Variants in ZNF518B observed in about 807,000 individuals in gnomAD.
ZNF518B encodes the protein zinc finger protein 518B.
ZNF518B carries 23 observed loss-of-function variants against 56.3 expected under a neutral mutation model. The ratio of observed to expected loss-of-function variants is 0.41; its 90% CI spans 0.29 to 0.58. The LOEUF (loss-of-function observed/expected upper bound fraction) is 0.58, where lower values mean the gene tolerates loss of function less well. Among genes scored for constraint, ZNF518B ranks in the 20% least tolerant of loss-of-function variants. The pLI is 0.32. For synonymous variants in ZNF518B, 529 were observed against 465.9 expected (o/e 1.14, Z -1.74); for missense variants, 1,460 against 1,272.1 (o/e 1.15, Z -2.25).
rs1464838167 is a variant in ZNF518B, at chr4:10,446,126, T to C, written c.203A>G (p.Lys68Arg). 1.9e-6 allele frequency: 3 copies of C among 1,614,098 alleles called. No individual in the cohort carries two copies. The highest frequency in any genetic ancestry group is 1.7e-5 in the Admixed American group (1 of 60,014). The change falls in exon 3 of 3, where the codon AAG (lysine) becomes AGG (arginine). Residue 68 changes from lysine to arginine, a missense_variant. Physicochemically the swap from Lys to Arg is conservative, Grantham distance 26 (BLOSUM62 2). Coordinates refer to ENST00000326756, the MANE Select transcript of ZNF518B (RefSeq NM_053042.3). ...CTTCTGCAAATCTTGAAGAGAGATC[T>C]TGTGAACACTTTTGCACTTTGCACA... ...ATCAKCKSVH[K>R]ISLQDLQKGT...
rs1669743801 is a variant in ZNF518B at position 10,443,960 on chromosome 4, A to T, written c.2369T>A (p.Ile790Lys). 6.2e-7 allele frequency: 1 copy of T among 1,613,504 alleles called. No homozygotes were observed. Among genetic ancestry groups the T allele is most frequent in the Non-Finnish European group, 8.5e-7 (1 of 1,179,404 alleles). ...GACAGGTGCTTCACATGTAGCCTCT[A>T]TGATGTGGGCATTCTCAGAGGAATT... ...VLNSSENAHI[I>K]EATCEAPVSI... The change falls in exon 3 of 3, where the codon ATA becomes AAA. Residue 790 changes from isoleucine (I) to lysine (K), a missense_variant. Ile to Lys is a moderately radical substitution (Grantham distance 102, BLOSUM62 -3). Transcript: ENST00000326756.
Position 10,440,830 on chromosome 4 carries a change from G to A in ZNF518B, c.*2274C>T, listed in dbSNP as rs904394229. The A allele has an allele frequency of 2.0e-5, 3 of 152,048 alleles. No individual in the cohort carries two copies. Among genetic ancestry groups the A allele is most frequent in the Admixed American group, 1.3e-4 (2 of 15,260 alleles). The allele number at this position is 152,048 out of a possible 1,614,324, so 9.4% of individuals were successfully genotyped here. ...GCTTTTCAGGAAAAAGCACTATGTG[G>A]TGAGGAATAGGAGATAAAAAAGTGG... On this transcript the variant is annotated 3_prime_UTR_variant, in exon 3 of 3. Transcript: ENST00000326756.
At chr4:10,461,314 C>T (rs1308873902), upstream of ZNF518B, among the ~76,000 whole-genome samples, 1 of 152,236 alleles carries the variant, frequency 6.6e-6, no homozygotes, top group Admixed American at 6.5e-5. Context: ...TCCTGGCCCG[C>T]ACACTCAGCT....
At position 10,444,731 on chromosome 4, in the gene ZNF518B, G is replaced by A. The variant is rs573238069; in HGVS notation, c.1598C>T (p.Ser533Leu). ...TCCAGAGAAGGAACAGGTTGCAGGTGATGCAGCAAATGGGAGTAACTGCTG... is the reference window on the plus strand; with the variant it reads ...TCCAGAGAAGGAACAGGTTGCAGGTAATGCAGCAAATGGGAGTAACTGCTG... ...SSQQLLPFAASPATCSFSGEK... is the reference protein window; with the variant it reads ...SSQQLLPFAALPATCSFSGEK... Residue 533 changes from serine to leucine, a missense_variant, in exon 3 of 3, where the codon TCA (serine) becomes TTA (leucine). By Grantham distance (145) the Ser-to-Leu change is moderately radical (BLOSUM62 -2). Coordinates refer to ENST00000326756, the MANE Select transcript of ZNF518B (RefSeq NM_053042.3). 6.4e-5 allele frequency: 104 copies of A among 1,614,096 alleles called. No individual in the cohort carries two copies. In the South Asian group the frequency reaches 1.1e-3, roughly 17 times the overall value.
chr4:10,450,551 G>A (rs1176606995), intron 2 of ZNF518B, among the ~76,000 whole-genome samples: 1 of 145,210 alleles, frequency 6.9e-6, no homozygotes, highest in Non-Finnish European at 1.5e-5. Context: ...AGGGACAGCA[G>A]GCATATCTGT....
At chr4:10,452,760 A>C (rs1472877794) in intron 2 of ZNF518B, 1 of 152,248 alleles carries the variant, frequency 6.6e-6, no homozygotes, top group Non-Finnish European at 1.5e-5. Context: ...AAGAGGAAAA[A>C]AATCCATTAA....
Position 10,445,763 on chromosome 4 carries a change from G to A in ZNF518B, c.566C>T (p.Pro189Leu). 1 of 1,614,182 alleles carries A rather than the reference G, an allele frequency of 6.2e-7. No individual in the cohort carries two copies. Among genetic ancestry groups the A allele is most frequent in the Non-Finnish European group, 8.5e-7 (1 of 1,180,038 alleles). Residue 189 changes from proline to leucine, a missense_variant, in exon 3 of 3, where the codon CCT becomes CTT. By Grantham distance (98) the Pro-to-Leu change is moderately conservative. Coordinates refer to ENST00000326756, the MANE Select transcript of ZNF518B (RefSeq NM_053042.3). Reference sequence around the variant, plus strand: ...ATAGTCACAATACTCACACTGATAAGGAAATATGCCTGTGTGTTTCACCAA... The same window carrying A: ...ATAGTCACAATACTCACACTGATAAAGAAATATGCCTGTGTGTTTCACCAA... ...RHLVKHTGIF[P>L]YQCEYCDYGA...
At chr4:10,450,324 A>G (rs1316534965) in intron 2 of ZNF518B, among the ~76,000 whole-genome samples, 2 of 152,200 alleles carry the variant, frequency 1.3e-5, no homozygotes, top group Non-Finnish European at 2.9e-5. Context: ...AGATAATGCA[A>G]TGTTACTACA....
chr4:10,442,467 G>GA lies in ZNF518B; in HGVS notation c.*636dup, dbSNP rs1714725009. The GA allele has an allele frequency of 6.6e-6, 1 of 152,204 alleles. No individual in the cohort carries two copies. Among genetic ancestry groups the GA allele is most frequent in the Admixed American group, 6.5e-5 (1 of 15,280 alleles). 9.4% of individuals were successfully genotyped at this position (152,204 alleles called of 1,614,324 possible). A position where few individuals can be genotyped will look rare whatever the true frequency, so the allele number is the denominator to read the frequency against. ...TTATCTTTCTTCTAACACTTGCTGT[G>GA]AAAGGAGTAAATTCAGGCAAGCAGT... On this transcript the variant is annotated 3_prime_UTR_variant, in exon 3 of 3. Transcript: ENST00000326756.
At chr4:10,454,667 C>G (rs1046724346) in intron 2 of ZNF518B, 138 bp downstream of exon 2, 1 of 152,200 alleles carries the variant, frequency 6.6e-6, no homozygotes, top group Non-Finnish European at 1.5e-5. Context: ...AGCTATATGG[C>G]TTTTTGAAGA....
At position 10,444,894 on chromosome 4, in the gene ZNF518B, C is replaced by T. The variant is rs775819635; in HGVS notation, c.1435G>A (p.Val479Ile). Residue 479 changes from valine to isoleucine, a missense_variant, in exon 3 of 3, where the codon GTT becomes ATT. Physicochemically the swap from Val to Ile is conservative, Grantham distance 29. Transcript: ENST00000326756. ...GCTAGAGAATGACCTTTTAAGGCAACGGAAGGAAAAGCAGTTCTATGTGGA... is the reference window on the plus strand; with the variant it reads ...GCTAGAGAATGACCTTTTAAGGCAATGGAAGGAAAAGCAGTTCTATGTGGA... The part of the protein sequence containing the change: ...LYPHRTAFPS[V>I]ALKGHSLASV... The T allele has an allele frequency of 8.7e-6, 14 of 1,612,236 alleles. No individual in the cohort carries two copies. The highest frequency in any genetic ancestry group is 7.7e-5 in the South Asian group (7 of 90,892).
rs115319397 is a variant in ZNF518B at position 10,444,048 on chromosome 4, C to T, written c.2281G>A (p.Ala761Thr). The part of the protein sequence containing the change: ...GSNRKTKSRV[A>T]RKAHVATPVL... ...GGCGTGGCAACATGAGCCTTCCTGGCCACTCTGCTTTTGGTTTTCCTATTA... is the reference window on the plus strand; with the variant it reads ...GGCGTGGCAACATGAGCCTTCCTGGTCACTCTGCTTTTGGTTTTCCTATTA... The change falls in exon 3 of 3, where the codon GCC (alanine) becomes ACC (threonine). Residue 761 changes from alanine to threonine, a missense_variant. Ala to Thr is a moderately conservative substitution (Grantham distance 58). Transcript: ENST00000326756. 3 of 1,614,184 alleles carry T rather than the reference C, an allele frequency of 1.9e-6. No individual in the cohort carries two copies. The highest frequency in any genetic ancestry group is 1.7e-6 in the Non-Finnish European group (2 of 1,180,036).
chr4:10,460,841 G>A (rs1422023617), upstream of ZNF518B, among the ~76,000 whole-genome samples: 7 of 152,342 alleles, frequency 4.6e-5, no homozygotes, highest in East Asian at 5.8e-4. Context: ...AAAGGGCCAG[G>A]TCTTTAACAC....
chr4:10,460,329 A>AAAAAAAAAAAAAAAAC, upstream of ZNF518B, among the ~76,000 whole-genome samples: 1 of 143,248 alleles, frequency 7.0e-6, no homozygotes, highest in Non-Finnish European at 1.5e-5. Flanking sequence ...AAAAACCAAA[A>AAAAAAAAAAAAAAAAC]AAAAAAAAAC....
At chr4:10,452,541 A>G (rs888784989) in intron 2 of ZNF518B, 3 of 152,230 alleles carry the variant, frequency 2.0e-5, no homozygotes, top group African/African-American at 7.2e-5. Context: ...TTTCCCCAGT[A>G]GGATGATATT....
intron 1 of ZNF518B, among the ~76,000 whole-genome samples, chr4:10,456,335 G>C (rs1467960479): frequency 6.6e-6 from 1 of 151,878 alleles, no homozygotes; most frequent in Non-Finnish European, 1.5e-5. Context: ...TTTCCTTTCT[G>C]GTTAAGAAAC....
chr4:10,448,017 CA>C (rs1456939195), intron 2 of ZNF518B, among the ~76,000 whole-genome samples: 20 of 152,154 alleles, frequency 1.3e-4, no homozygotes, highest in Non-Finnish European at 2.6e-4. Context: ...AGGAGCATAA[CA>C]AAATCCATTC....
rs1560168423 is a variant in ZNF518B at position 10,443,835 on chromosome 4, G to A, written c.2494C>T (p.Pro832Ser). Residue 832 changes from proline (P) to serine (S), a missense_variant, in exon 3 of 3, where the codon CCA becomes TCA. Pro to Ser is a moderately conservative substitution (Grantham distance 74). Transcript: ENST00000326756. ...DLQPLRSERG[P>S]IDMSPNIETP... Reference sequence around the variant, plus strand: ...TCGATATTTGGGGACATATCTATTGGCCCCCTTTCACTTCTTAAAGGCTGT... The same window carrying A: ...TCGATATTTGGGGACATATCTATTGACCCCCTTTCACTTCTTAAAGGCTGT... 6.2e-7 allele frequency: 1 copy of A among 1,614,134 alleles called. No homozygotes were observed. The highest frequency in any genetic ancestry group is 1.7e-5 in the Admixed American group (1 of 60,008).
chr4:10,455,615 A>AT (rs57975905), intron 1 of ZNF518B, among the ~76,000 whole-genome samples: 22,054 of 151,758 alleles, frequency 0.15, 2,286 homozygotes, highest in African/African-American at 0.29. Context: ...ATCTAAATGG[A>AT]TTTTTTTAAT....
Sources: gnomAD v4.1 joint callset for allele counts (sites outside exome capture counted in the v4.1 genomes callset) on GRCh38, gnomAD v4.1.1 for gene constraint, MANE v1.5 for transcripts, NCBI Gene and HGNC (gene_info 2026-07-23, HGNC 2026-07-21) for gene names.